The following EEFSEC variants were observed in gnomAD, a reference collection of about 807,000 sequenced individuals.
EEFSEC encodes the protein selenocysteine-specific elongation factor.
Under a neutral mutation model 42.1 loss-of-function variants are expected in EEFSEC, and 43 were observed. The observed-to-expected ratio is 1.02, with a 90% CI of 0.80 to 1.32. The LOEUF (loss-of-function observed/expected upper bound fraction) is 1.32, where lower values mean the gene tolerates loss of function less well. Ranked by LOEUF, EEFSEC falls within the 40% of genes most tolerant of loss-of-function variation. The pLI is 0.00. For missense variants in EEFSEC, 745 were observed against 803.6 expected (o/e 0.93, Z 0.88); for synonymous variants, 354 against 339.1 (o/e 1.04, Z -0.48).
intron 5 of EEFSEC, among the ~76,000 whole-genome samples, chr3:128,352,650 G>A (rs2067402536): frequency 1.3e-5 from 2 of 152,352 alleles, no homozygotes; most frequent in Non-Finnish European, 2.9e-5. Context: ...CACAGGCCCT[G>A]CATCTGCTGC....
intron 4 of EEFSEC, among the ~76,000 whole-genome samples, chr3:128,320,915 C>T (rs1190634423): frequency 1.3e-5 from 2 of 152,240 alleles, no homozygotes; most frequent in African/African-American, 2.4e-5. Context: ...CTCTGGGCCC[C>T]AGTTTGGTCA....
chr3:128,168,938 A>G (rs1000879128), intron 1 of EEFSEC, among the ~76,000 whole-genome samples: 8 of 152,212 alleles, frequency 5.3e-5, no homozygotes, highest in Non-Finnish European at 1.0e-4. Context: ...GGAAAGGTGG[A>G]TCATGACATT....
intron 5 of EEFSEC, among the ~76,000 whole-genome samples, chr3:128,342,724 C>A (rs2067269552): frequency 6.6e-6 from 1 of 152,194 alleles, no homozygotes; most frequent in Admixed American, 6.5e-5. Context: ...CTCGGCTGGT[C>A]CTGTGGTGCA....
chr3:128,335,997 G>A (rs1264416649), intron 4 of EEFSEC, among the ~76,000 whole-genome samples: 1 of 152,160 alleles, frequency 6.6e-6, no homozygotes, highest in African/African-American at 2.4e-5. Context: ...TGGGATGCCT[G>A]TCAGCCATTC....
In EEFSEC at chr3:128,234,630, C is replaced by G. The variant is rs116509809; in HGVS notation, c.317-12206C>G. ...ACAGAAAATCTTTATGACCACTAAG[C>G]AGACATAACTGGGTGTCTTCTCTCT... On this transcript the variant is annotated intron_variant, in intron 1 of 6. Coordinates refer to ENST00000254730, the MANE Select transcript of EEFSEC (RefSeq NM_021937.5). Among the ~76,000 whole-genome samples the G allele has an allele frequency of 4.1e-3, 625 of 152,350 alleles. 8 individuals carry two copies. Among genetic ancestry groups the G allele is most frequent in the African/African-American group, 0.014 (594 of 41,582 alleles).
At chr3:128,324,976 C>G (rs1227801791) in intron 4 of EEFSEC, among the ~76,000 whole-genome samples, 1 of 152,192 alleles carries the variant, frequency 6.6e-6, no homozygotes, top group African/African-American at 2.4e-5. Flanking sequence ...GTACCTTGAC[C>G]TCTATTTCAT....
intron 1 of EEFSEC, among the ~76,000 whole-genome samples, chr3:128,190,778 GTA>G (rs1183146397): frequency 6.6e-6 from 1 of 152,026 alleles, no homozygotes; most frequent in Non-Finnish European, 1.5e-5. Context: ...CTATACAGGG[GTA>G]CCCTTTTTAA....
chr3:128,188,755 G>A (rs1424656003), intron 1 of EEFSEC, among the ~76,000 whole-genome samples: 1 of 152,140 alleles, frequency 6.6e-6, no homozygotes, highest in African/African-American at 2.4e-5. Context: ...AAGTTTGCTG[G>A]CACCACCCTC....
chr3:128,406,395 A>C (rs886890573), intron 6 of EEFSEC, among the ~76,000 whole-genome samples: 1 of 152,152 alleles, frequency 6.6e-6, no homozygotes, highest in African/African-American at 2.4e-5. Flanking sequence ...TCTTGGTCAA[A>C]GGGTTCACAG....
chr3:128,375,793 T>C (rs1411587505), intron 6 of EEFSEC, among the ~76,000 whole-genome samples: 1 of 152,176 alleles, frequency 6.6e-6, no homozygotes, highest in Non-Finnish European at 1.5e-5. Flanking sequence ...TGGGAGGTGC[T>C]CCCAAGTGGA....
At chr3:128,210,346 C>T (rs908506612) in intron 1 of EEFSEC, among the ~76,000 whole-genome samples, 4 of 152,170 alleles carry the variant, frequency 2.6e-5, no homozygotes, top group African/African-American at 9.7e-5. Context: ...CTTGAGGCTT[C>T]TGCAGGAAGT....
At chr3:128,401,661 G>C (rs772226179) in intron 6 of EEFSEC, among the ~76,000 whole-genome samples, 3 of 152,218 alleles carry the variant, frequency 2.0e-5, no homozygotes, top group Admixed American at 1.3e-4. Flanking sequence ...AGGCCAGAAA[G>C]AGAATAGACG....
At chr3:128,170,511 A>G (rs76537118) in intron 1 of EEFSEC, among the ~76,000 whole-genome samples, 1 of 152,128 alleles carries the variant, frequency 6.6e-6, no homozygotes, top group African/African-American at 2.4e-5. Context: ...AAAAAAAAAA[A>G]AGCTTTCTTG....
At chr3:128,367,926 C>G in intron 6 of EEFSEC, 1 of 856,254 alleles carries the variant, frequency 1.2e-6, no homozygotes, top group Non-Finnish European at 1.4e-6. Flanking sequence ...GATCACTTGC[C>G]TAATGGTTCT....
intron 1 of EEFSEC, among the ~76,000 whole-genome samples, chr3:128,170,606 G>A (rs1247326306): frequency 1.3e-5 from 2 of 152,224 alleles, no homozygotes; most frequent in African/African-American, 4.8e-5. Context: ...CAGCTTGGGG[G>A]ATCTCAGAAA....
At chr3:128,212,200 G>C (rs1187296149) in intron 1 of EEFSEC, among the ~76,000 whole-genome samples, 2 of 152,222 alleles carry the variant, frequency 1.3e-5, no homozygotes, top group Non-Finnish European at 2.9e-5. Flanking sequence ...GAATGTTGGT[G>C]TGAAATGGGA....
At chr3:128,171,463 G>A (rs556669647) in intron 1 of EEFSEC, among the ~76,000 whole-genome samples, 109 of 152,294 alleles carry the variant, frequency 7.2e-4, no homozygotes, top group Non-Finnish European at 9.4e-4. Context: ...CAGATGGGAA[G>A]ATTTTTGTTT....
chr3:128,403,356 G>A (rs1195692649), intron 6 of EEFSEC, among the ~76,000 whole-genome samples: 1 of 152,192 alleles, frequency 6.6e-6, no homozygotes, highest in African/African-American at 2.4e-5. Flanking sequence ...GCAGAGGCCA[G>A]AGGTCCAGAG....
At chr3:128,421,429 G>T in the EEFSEC span, among the ~76,000 whole-genome samples, 1 of 152,200 alleles carries the variant, frequency 6.6e-6, no homozygotes, top group Non-Finnish European at 1.5e-5. Flanking sequence ...TCAGAGTGGG[G>T]CCTTCAAGGG....
Sources: gnomAD v4.1 joint callset for allele counts (sites outside exome capture counted in the v4.1 genomes callset) on GRCh38, gnomAD v4.1.1 for gene constraint, MANE v1.5 for transcripts, NCBI Gene and HGNC (gene_info 2026-07-23, HGNC 2026-07-21) for gene names.